The following THRB variants were observed in gnomAD, a reference collection of about 807,000 sequenced individuals.
THRB encodes the protein nuclear receptor subfamily 1 group A member 2.
A neutral mutation model predicts 47.8 loss-of-function variants in THRB; 12 were observed. The ratio of observed to expected loss-of-function variants is 0.25; its 90% CI spans 0.16 to 0.41. The LOEUF (loss-of-function observed/expected upper bound fraction) is 0.41. THRB is among the 10% of genes least tolerant of loss of function. The pLI is 1.00. For missense variants in THRB, 348 were observed against 589.2 expected (o/e 0.59, Z 4.24); for synonymous variants, 218 against 212.2 (o/e 1.03, Z -0.24).
At chr3:24,228,876 A>G (rs1338739073) in intron 4 of THRB, 62 bp downstream of exon 4, 3 of 1,460,336 alleles carry the variant, frequency 2.1e-6, no homozygotes, top group Non-Finnish European at 2.8e-6. Context: ...AGAATCTATA[A>G]TTTCACTCTA....
intron 1 of THRB, among the ~76,000 whole-genome samples, chr3:24,357,349 A>G (rs1316938820): frequency 8.4e-6 from 1 of 118,590 alleles, no homozygotes; most frequent in Non-Finnish European, 1.6e-5. Context: ...TCTCTCCCAA[A>G]AAAAAAAAAA....
intron 2 of THRB, among the ~76,000 whole-genome samples, chr3:24,333,323 A>G (rs1467138681): frequency 6.6e-6 from 1 of 152,230 alleles, no homozygotes; most frequent in African/African-American, 2.4e-5. Context: ...TGACCAAGGA[A>G]GAAGAAAAGC....
rs2069744165 is a variant in THRB, at chr3:24,426,220, A to G, written c.-261+68432T>C. Reference sequence around the variant, plus strand: ...TAGCTGGCAGGTAATAAGCACAGTAATCATTATAATTAAATAAAATAACTT... The same window carrying G: ...TAGCTGGCAGGTAATAAGCACAGTAGTCATTATAATTAAATAAAATAACTT... On this transcript the variant is annotated intron_variant, in intron 1 of 10. Coordinates refer to ENST00000646209, the MANE Select transcript of THRB (RefSeq NM_001354712.2). Among the ~76,000 whole-genome samples the G allele has an allele frequency of 1.3e-5, 2 of 151,968 alleles. 1 individual carries two copies. The highest frequency in any genetic ancestry group is 4.1e-4 in the South Asian group (2 of 4,826).
intron 4 of THRB, among the ~76,000 whole-genome samples, chr3:24,200,827 T>A (rs961865829): frequency 4.6e-5 from 7 of 152,104 alleles, no homozygotes; most frequent in African/African-American, 1.7e-4. Context: ...GCAGGTGAGG[T>A]TTTTACACTG....
chr3:24,363,207 A>T (rs1199980801), intron 1 of THRB, among the ~76,000 whole-genome samples: 1 of 152,138 alleles, frequency 6.6e-6, no homozygotes, highest in East Asian at 1.9e-4. Flanking sequence ...TTTAGATCTT[A>T]AATCGCCTAA....
At chr3:24,352,624 CCATTCAAACTCAAACCTA>C (rs973280357) in intron 1 of THRB, among the ~76,000 whole-genome samples, 14 of 152,248 alleles carry the variant, frequency 9.2e-5, no homozygotes, top group Middle Eastern at 3.4e-3. Context: ...CTTTGCGCAG[CCATTCAAACTCAAACCTA>C]CAAACGCACA....
At chr3:24,347,606 A>G (rs2063102945) in intron 1 of THRB, among the ~76,000 whole-genome samples, 1 of 151,092 alleles carries the variant, frequency 6.6e-6, no homozygotes, top group Admixed American at 6.6e-5. Flanking sequence ...TAAAGAAAAA[A>G]ACCTTTAAAA....
intron 9 of THRB, among the ~76,000 whole-genome samples, chr3:24,131,089 C>G (rs1319667854): frequency 6.6e-6 from 1 of 152,122 alleles, no homozygotes; most frequent in African/African-American, 2.4e-5. Context: ...GAGCTGCACT[C>G]TTATGACATA....
In THRB at chr3:24,494,704, T is replaced by C. The variant is rs1476997384; in HGVS notation, c.-313A>G. 1.3e-5 allele frequency: 2 copies of C among 151,644 alleles called. No individual in the cohort carries two copies. The highest frequency in any genetic ancestry group is 4.0e-4 in the East Asian group (2 of 5,062). The allele number at this position is 151,644 out of a possible 1,614,324, so 9.4% of individuals were successfully genotyped here. On this transcript the variant is annotated 5_prime_UTR_variant, in exon 1 of 11. Coordinates refer to ENST00000646209, the MANE Select transcript of THRB (RefSeq NM_001354712.2). ...CAAATTACCAGTGCCCTGGAGCCGG[T>C]TGGGTTGAGCGCCCCTGCCCGGGGA...
At chr3:24,434,248 G>A (rs9816999) in intron 1 of THRB, among the ~76,000 whole-genome samples, 9,385 of 152,122 alleles carry the variant, frequency 0.062, 915 homozygotes, top group African/African-American at 0.2. Flanking sequence ...AAAAATCCTC[G>A]CTTTAAGGGT....
intron 5 of THRB, among the ~76,000 whole-genome samples, chr3:24,154,368 G>GCAT (rs1349532625): frequency 6.6e-6 from 1 of 152,158 alleles, no homozygotes. Context: ...CATGTGCTTA[G>GCAT]CATTGTTCTA....
intron 5 of THRB, among the ~76,000 whole-genome samples, chr3:24,188,215 A>G (rs1276747330): frequency 6.6e-6 from 1 of 152,252 alleles, no homozygotes; most frequent in African/African-American, 2.4e-5. Context: ...CAAAGTATTT[A>G]TATGACTTAA....
intron 1 of THRB, among the ~76,000 whole-genome samples, chr3:24,338,568 C>A (rs150615377): frequency 6.6e-6 from 1 of 152,120 alleles, no homozygotes; most frequent in South Asian, 2.1e-4. Context: ...CAATATCCAA[C>A]GTTTATGGCT....
intron 3 of THRB, among the ~76,000 whole-genome samples, chr3:24,285,741 T>G (rs1273986491): frequency 6.6e-6 from 1 of 152,164 alleles, no homozygotes; most frequent in Non-Finnish European, 1.5e-5. Context: ...TATAAACAAT[T>G]GCTAAATTAT....
At chr3:24,263,453 T>G (rs1337115197) in intron 3 of THRB, among the ~76,000 whole-genome samples, 1 of 152,158 alleles carries the variant, frequency 6.6e-6, no homozygotes, top group African/African-American at 2.4e-5. Context: ...TCCACGCTTT[T>G]AAAATTATAT....
At chr3:24,435,692 A>G (rs1017400101) in intron 1 of THRB, among the ~76,000 whole-genome samples, 5 of 152,190 alleles carry the variant, frequency 3.3e-5, no homozygotes, top group Non-Finnish European at 5.9e-5. Context: ...AGCCACCCCC[A>G]CTCAACAACT....
At chr3:24,290,282 C>T (rs1435731956) in intron 3 of THRB, among the ~76,000 whole-genome samples, 1 of 152,160 alleles carries the variant, frequency 6.6e-6, no homozygotes, top group Non-Finnish European at 1.5e-5. Flanking sequence ...TAATTAAATG[C>T]AAGGCCTGTC....
In THRB at chr3:24,459,093, TG is replaced by T. The variant is rs1182603061; in HGVS notation, c.-261+35558del. ...CACCTACATTAGGTATTTCTCCTAA[TG>T]TTATCCCTTCCTTAGGCCCCCACCC... On this transcript the variant is annotated intron_variant, in intron 1 of 10. Transcript: ENST00000646209. The T allele has an allele frequency of 5.9e-5, 9 of 152,278 alleles. No individual in the cohort carries two copies. In the East Asian group the frequency reaches 1.7e-3, roughly 29 times the overall value. The allele number at this position is 152,278 out of a possible 1,614,324, so 9.4% of individuals were successfully genotyped here.
intron 3 of THRB, among the ~76,000 whole-genome samples, chr3:24,283,466 C>T (rs1451272677): frequency 1.3e-5 from 2 of 151,608 alleles, no homozygotes; most frequent in East Asian, 1.9e-4. Context: ...GACAAACCCA[C>T]AGCCAATATC....
Sources: gnomAD v4.1 joint callset for allele counts (sites outside exome capture counted in the v4.1 genomes callset) on GRCh38, gnomAD v4.1.1 for gene constraint, MANE v1.5 for transcripts, NCBI Gene and HGNC (gene_info 2026-07-23, HGNC 2026-07-21) for gene names.